WIZ: variants seen among roughly 807,000 people sequenced by gnomAD.
The protein encoded by WIZ is protein Wiz.
Under a neutral mutation model 140.2 loss-of-function variants are expected in WIZ, and 25 were observed. The ratio of observed to expected loss-of-function variants is 0.18; its 90% CI spans 0.13 to 0.25. The LOEUF is 0.25. Ranked by LOEUF, WIZ falls within the 10% of genes least tolerant of loss-of-function variation. The pLI is 1.00. For missense variants in WIZ, 2,231 were observed against 2,632.6 expected (o/e 0.85, Z 3.34); for synonymous variants, 1,125 against 1,154.3 (o/e 0.97, Z 0.51).
In WIZ at chr19:15,424,048, C is replaced by T; in HGVS notation, c.5510+135G>A. The stretch of plus-strand genomic sequence containing the variant: ...AAAGCTCAGGGTGTCAGCCTTTAGC[C>T]TGAGCCCCACCACACCCAAGGGCAG... On this transcript the variant is annotated intron_variant, in intron 12 of 12. Coordinates refer to ENST00000673675, the MANE Select transcript of WIZ (RefSeq NM_001371589.1). The surrounding 1 kb of genome is among the most constrained non-coding windows in gnomAD (Gnocchi z 9.7). 1 of 802,030 alleles carries T rather than the reference C, an allele frequency of 1.2e-6. No individual in the cohort carries two copies. The highest frequency in any genetic ancestry group is 1.8e-6 in the Non-Finnish European group (1 of 544,506). The allele number at this position is 802,030 out of a possible 1,614,324, so 49.7% of individuals were successfully genotyped here.
At chr19:15,438,145 A>G (rs1386005858) in intron 4 of WIZ, among the ~76,000 whole-genome samples, 1 of 152,160 alleles carries the variant, frequency 6.6e-6, no homozygotes, top group African/African-American at 2.4e-5. Context: ...GTGGGAACTG[A>G]CAAACCTTAC....
chr19:15,436,642 C>T, intron 5 of WIZ, 164 bp downstream of exon 5: 2 of 675,886 alleles, frequency 3.0e-6, no homozygotes, highest in Non-Finnish European at 4.5e-6. Flanking sequence ...AGAAAGGACA[C>T]CTAAATAGCA....
rs1386999949 is a variant in WIZ, at chr19:15,449,788, C to A, written c.-61+10G>T. Reference sequence around the variant, plus strand: ...CACCCGCGGGCTCCCCAGGCCGGGCCGGGCCTCACCGGGGAGGCGGCGCCG... The same window carrying A: ...CACCCGCGGGCTCCCCAGGCCGGGCAGGGCCTCACCGGGGAGGCGGCGCCG... On this transcript the variant is annotated intron_variant, in intron 1 of 12. Transcript: ENST00000673675. 1 of 146,770 alleles carries A rather than the reference C, an allele frequency of 6.8e-6. No individual in the cohort carries two copies. Among genetic ancestry groups the A allele is most frequent in the Non-Finnish European group, 1.5e-5 (1 of 65,850 alleles). The allele number at this position is 146,770 out of a possible 1,614,324, so 9.1% of individuals were successfully genotyped here.
rs191220221 is a variant in WIZ at position 15,431,325 on chromosome 19, A to G, written c.2741-143T>C. 7.4e-6 allele frequency: 8 copies of G among 1,083,028 alleles called. No homozygotes were observed. The East Asian group carries it at 1.9e-4, about 26-fold the overall frequency. 67.1% of individuals were successfully genotyped at this position (1,083,028 alleles called of 1,614,324 possible). A position where few individuals can be genotyped will look rare whatever the true frequency, so the allele number is the denominator to read the frequency against. On this transcript the variant is annotated intron_variant, in intron 5 of 12. Coordinates refer to ENST00000673675, the MANE Select transcript of WIZ (RefSeq NM_001371589.1). ...ACCCCAGGAAAGCTGAGGTTCCACC[A>G]TAACCCCCAGCACCAGTCCAGTGCA... is the stretch of plus-strand genomic sequence containing the variant.
Position 15,424,783 on chromosome 19 carries a change from T to TTGTCAC in WIZ, c.5138_5143dup (p.Ser1713_Asp1714dup). 1 of 1,594,970 alleles carries TTGTCAC rather than the reference T, an allele frequency of 6.3e-7. No individual in the cohort carries two copies. Among genetic ancestry groups the TTGTCAC allele is most frequent in the Non-Finnish European group, 8.5e-7 (1 of 1,171,992 alleles). ...GGGTGCCAGCCCCAGGGACGGCCGC[T>TTGTCAC]TGTCACTGTCACGGCCATGGCCGGC... On this transcript the variant is annotated inframe_insertion, in exon 11 of 13. Coordinates refer to ENST00000673675, the MANE Select transcript of WIZ (RefSeq NM_001371589.1). The surrounding 1 kb of genome is among the most constrained non-coding windows in gnomAD (Gnocchi z 9.7).
rs1459787314 is a variant in WIZ at position 15,439,345 on chromosome 19, C to G, written c.1649G>C (p.Gly550Ala). ...GATGCTCAGCTGCTGGCATCCTGGGCCAAAGGCCAGGCTGGGGTCGTATCC... is the reference window on the plus strand; with the variant it reads ...GATGCTCAGCTGCTGGCATCCTGGGGCAAAGGCCAGGCTGGGGTCGTATCC... ...PAGYDPSLAF[G>A]PGCQQLSIRD... The change falls in exon 4 of 13, where the codon GGC becomes GCC. Residue 550 changes from glycine (G) to alanine (A), a missense_variant. Gly to Ala is a moderately conservative substitution (Grantham distance 60, BLOSUM62 0). Transcript: ENST00000673675. This position sits in a 1 kb window ranked among gnomAD's most constrained non-coding sequence, Gnocchi z 7.0. 1.3e-6 allele frequency: 2 copies of G among 1,535,308 alleles called. No individual in the cohort carries two copies. The highest frequency in any genetic ancestry group is 1.4e-5 in the African/African-American group (1 of 73,024).
rs767339519 is a variant in WIZ at position 15,424,588 on chromosome 19, C to T, written c.5314+25G>A. ...GCCTGACAGGTGCCCGCTGCGCTCC[C>T]GACCCTCCTCCACCAAGCACTCACT... On this transcript the variant is annotated intron_variant, in intron 11 of 12. Transcript: ENST00000673675. This position sits in a 1 kb window ranked among gnomAD's most constrained non-coding sequence, Gnocchi z 9.7. 1.2e-5 allele frequency: 19 copies of T among 1,571,742 alleles called. No individual in the cohort carries two copies. Among genetic ancestry groups the T allele is most frequent in the East Asian group, 6.8e-5 (3 of 43,968 alleles).
Position 15,428,363 on chromosome 19 carries a change from G to C in WIZ, c.3561C>G (p.Asp1187Glu). ...CCCTCCTGATGAGCCCGTGGAGCAC[G>C]TCTATGGGGGATCCCTTGGCGTCCG... Reference protein sequence around the residue: ...SDPDAKGSPIDVLHGLIRRDG... With the variant: ...SDPDAKGSPIEVLHGLIRRDG... Residue 1187 changes from aspartate (D) to glutamate (E), a missense_variant, in exon 8 of 13, where the codon GAC becomes GAG. Transcript: ENST00000673675. This position sits in a 1 kb window ranked among gnomAD's most constrained non-coding sequence, Gnocchi z 6.4. 6.5e-7 allele frequency: 1 copy of C among 1,535,426 alleles called. No individual in the cohort carries two copies. Among genetic ancestry groups the C allele is most frequent in the Non-Finnish European group, 8.7e-7 (1 of 1,146,702 alleles).
At position 15,428,658 on chromosome 19, in the gene WIZ, G is replaced by A. The variant is rs1969019243; in HGVS notation, c.3416-150C>T. The A allele has an allele frequency of 4.0e-6, 4 of 995,858 alleles. No individual in the cohort carries two copies. Among genetic ancestry groups the A allele is most frequent in the Non-Finnish European group, 5.9e-6 (4 of 683,300 alleles). 61.7% of individuals were successfully genotyped at this position (995,858 alleles called of 1,614,324 possible). A position where few individuals can be genotyped will look rare whatever the true frequency, so the allele number is the denominator to read the frequency against. ...GCAGATTTCTTTTGAAGTTTGGGAA[G>A]CAGGACATCCTGTTTCCTGCCTAGC... is the stretch of plus-strand genomic sequence containing the variant. On this transcript the variant is annotated intron_variant, in intron 7 of 12. Transcript: ENST00000673675. The surrounding 1 kb of genome is among the most constrained non-coding windows in gnomAD (Gnocchi z 6.4).
At chr19:15,433,400 G>T in intron 5 of WIZ, 2 of 975,482 alleles carry the variant, frequency 2.1e-6, no homozygotes, top group Middle Eastern at 5.3e-4. Flanking sequence ...AGGGAGAGGG[G>T]GCAGGCTTCT....
chr19:15,439,514 C>T lies in WIZ; in HGVS notation c.1480G>A (p.Glu494Lys), dbSNP rs1282047425. ...RLVHAHPHWE[E>K]DGEAYEEDPA... is the part of the protein sequence containing the mutation. ...TCTTCCTCATAAGCCTCGCCATCCT[C>T]CTCCCAGTGGGGATGGGCATGCACC... is the stretch of plus-strand genomic sequence containing the variant. Residue 494 changes from glutamate to lysine, a missense_variant, in exon 4 of 13, where the codon GAG becomes AAG. Around this residue, in one of 15 missense-constraint regions of WIZ, gnomAD observed 475 missense variants for 520.2 expected, o/e 0.91. Coordinates refer to ENST00000673675, the MANE Select transcript of WIZ (RefSeq NM_001371589.1). The surrounding 1 kb of genome is among the most constrained non-coding windows in gnomAD (Gnocchi z 7.0). 4 of 1,534,200 alleles carry T rather than the reference C, an allele frequency of 2.6e-6. No individual in the cohort carries two copies. The African/African-American group carries it at 4.1e-5, about 16-fold the overall frequency.
intron 2 of WIZ, among the ~76,000 whole-genome samples, chr19:15,446,671 C>T (rs920617564): frequency 9.2e-5 from 14 of 152,238 alleles, no homozygotes; most frequent in African/African-American, 2.9e-4. Context: ...CTACCTCTCA[C>T]TTCCTGCAGG....
chr19:15,423,101 T>C lies in WIZ; in HGVS notation c.5645A>G (p.Gln1882Arg), dbSNP rs1166436146. The C allele has an allele frequency of 6.2e-7, 1 of 1,612,152 alleles. No individual in the cohort carries two copies. Among genetic ancestry groups the C allele is most frequent in the Non-Finnish European group, 8.5e-7 (1 of 1,179,730 alleles). The change falls in exon 13 of 13, where the codon CAG becomes CGG. Residue 1882 changes from glutamine to arginine, a missense_variant. Physicochemically the swap from Gln to Arg is conservative, Grantham distance 43 (BLOSUM62 1). Coordinates refer to ENST00000673675, the MANE Select transcript of WIZ (RefSeq NM_001371589.1). ...TTAGGGAGCCTCTGCCGCCGCTGTC[T>C]GTGCCTGCGGGGCCTGGGACTCCTC... ...PPEESQAPQA[Q>R]TAAAEAP
At chr19:15,447,709 C>G (rs1293726116) in intron 2 of WIZ, among the ~76,000 whole-genome samples, 1 of 152,200 alleles carries the variant, frequency 6.6e-6, no homozygotes, top group African/African-American at 2.4e-5. Flanking sequence ...GGTTCAGGAA[C>G]AGGATACACC....
intron 1 of WIZ, among the ~76,000 whole-genome samples, chr19:15,448,638 C>T (rs1025908179): frequency 2.6e-5 from 4 of 152,094 alleles, no homozygotes; most frequent in African/African-American, 9.7e-5. Flanking sequence ...CACATGCACA[C>T]TCAGCCACCT....
rs1273149754 is a variant in WIZ at position 15,425,300 on chromosome 19, T to C, written c.4835A>G (p.Tyr1612Cys). The C allele has an allele frequency of 6.3e-7, 1 of 1,589,544 alleles. No individual in the cohort carries two copies. Among genetic ancestry groups the C allele is most frequent in the Non-Finnish European group, 8.6e-7 (1 of 1,168,504 alleles). ...LLPAEVKAKT[Y>C]IQTELPFKAK... is the part of the protein sequence containing the mutation. ...CTTGAAGGGCAGTTCAGTCTGGATG[T>C]AGGTCTTGGCCTTGACCTCTGCTGG... is the stretch of plus-strand genomic sequence containing the variant. Residue 1612 changes from tyrosine (Y) to cysteine (C), a missense_variant, in exon 10 of 13, where the codon TAC becomes TGC. By Grantham distance (194) the Tyr-to-Cys change is radical (BLOSUM62 -2). This residue lies in a region of WIZ where 393 missense variants were observed against 451.7 expected (regional missense o/e 0.87). Coordinates refer to ENST00000673675, the MANE Select transcript of WIZ (RefSeq NM_001371589.1).
At position 15,428,039 on chromosome 19, in the gene WIZ, G is replaced by A; in HGVS notation, c.3814+71C>T. 2 of 1,513,504 alleles carry A rather than the reference G, an allele frequency of 1.3e-6. No homozygotes were observed. Among genetic ancestry groups the A allele is most frequent in the Non-Finnish European group, 1.8e-6 (2 of 1,137,022 alleles). 93.8% of individuals were successfully genotyped at this position (1,513,504 alleles called of 1,614,324 possible). ...TACTCCCTGCCCCAGCAGGGAGGGG[G>A]CTGTGACCCCCCCCCCGGGAGGGGC... On this transcript the variant is annotated intron_variant, in intron 8 of 12. Coordinates refer to ENST00000673675, the MANE Select transcript of WIZ (RefSeq NM_001371589.1). The surrounding 1 kb of genome is among the most constrained non-coding windows in gnomAD (Gnocchi z 6.4).
At chr19:15,430,419 C>T (rs1220534151) in intron 6 of WIZ, among the ~76,000 whole-genome samples, 1 of 152,214 alleles carries the variant, frequency 6.6e-6, no homozygotes. Flanking sequence ...CACACAAACG[C>T]TGACCTGACA....
chr19:15,427,662 G>T lies in WIZ; in HGVS notation c.3815-129C>A. ...ACAGGTTAGGGTGGTGAGGGCAGGTGCAGGTAAGGGAGTGGAGGAGCGGGG... is the reference window on the plus strand; with the variant it reads ...ACAGGTTAGGGTGGTGAGGGCAGGTTCAGGTAAGGGAGTGGAGGAGCGGGG... On this transcript the variant is annotated intron_variant, in intron 8 of 12. Coordinates refer to ENST00000673675, the MANE Select transcript of WIZ (RefSeq NM_001371589.1). The surrounding 1 kb of genome is among the most constrained non-coding windows in gnomAD (Gnocchi z 6.4). 1 of 1,064,516 alleles carries T rather than the reference G, an allele frequency of 9.4e-7. No homozygotes were observed. The highest frequency in any genetic ancestry group is 1.6e-5 in the South Asian group (1 of 60,772). The allele number at this position is 1,064,516 out of a possible 1,614,324, so 65.9% of individuals were successfully genotyped here.
Sources: allele counts gnomAD v4.1 joint callset (sites outside exome capture counted in the v4.1 genomes callset), GRCh38; gene constraint gnomAD v4.1.1; regional missense constraint gnomAD v4.1.1; non-coding constraint Gnocchi (gnomAD v3.1); transcripts MANE v1.5; gene names NCBI Gene and HGNC (gene_info 2026-07-23, HGNC 2026-07-21).